The following LONRF3 variants were observed in gnomAD, a reference collection of about 807,000 sequenced individuals.
LONRF3 encodes the protein LON peptidase N-terminal domain and RING finger protein 3.
In LONRF3, 19 loss-of-function variants were observed where a neutral mutation model predicts 51.7. The observed-to-expected ratio is 0.37, with a 90% confidence interval of 0.26 to 0.54. LONRF3 has a LOEUF of 0.54. Ranked by LOEUF, LONRF3 falls within the 20% of genes least tolerant of loss-of-function variation. The pLI is 0.86. For missense variants in LONRF3, 521 were observed against 623.9 expected (o/e 0.84, Z 1.76); for synonymous variants, 265 against 257.8 (o/e 1.03, Z -0.27).
At chrX:118,977,720 C>T (rs770509516) in intron 1 of LONRF3, among the ~76,000 whole-genome samples, 3 of 112,318 alleles carry the variant, frequency 2.7e-5, no homozygotes, top group Admixed American at 9.4e-5. Flanking sequence ...TCTAGTAATT[C>T]AGAGTTTTTG....
At position 118,989,674 on chromosome X, in the gene LONRF3, T is replaced by G. The variant is rs1399247858; in HGVS notation, c.1324+2T>G. 1 of 1,205,601 alleles carries G rather than the reference T, an allele frequency of 8.3e-7. No individual in the cohort carries two copies. The highest frequency in any genetic ancestry group is 1.1e-6 in the Non-Finnish European group (1 of 892,802). ...TGCCTAATAAAGCCTCCAAGCAAGG[T>G]ACTGGCTCTACCCAGAGAGAAGGTA... On this transcript the variant is annotated splice_donor_variant, in intron 4 of 10. Coordinates refer to ENST00000371628, the MANE Select transcript of LONRF3 (RefSeq NM_001031855.3). LOFTEE classifies it high-confidence loss of function.
At chrX:118,991,169 TG>T (rs1210108363) in intron 5 of LONRF3, among the ~76,000 whole-genome samples, 1 of 111,909 alleles carries the variant, frequency 8.9e-6, no homozygotes, top group Non-Finnish European at 1.9e-5. Flanking sequence ...GTCTTTTGTT[TG>T]GCCCTCATGG....
At chrX:118,989,766 G>A in intron 4 of LONRF3, 94 bp downstream of exon 4, 1 of 973,253 alleles carries the variant, frequency 1.0e-6, no homozygotes, top group Non-Finnish European at 1.4e-6. Flanking sequence ...GGGCTCCTTA[G>A]GCTCTGGGTG....
At chrX:118,996,805 C>T (rs1923900923) in intron 5 of LONRF3, among the ~76,000 whole-genome samples, 1 of 109,150 alleles carries the variant, frequency 9.2e-6, no homozygotes, top group Non-Finnish European at 1.9e-5. Context: ...ACCTGTAGTC[C>T]CAGCTACTCG....
chrX:118,976,289 G>C (rs1922045053), intron 1 of LONRF3: 1 of 114,040 alleles, frequency 8.8e-6, no homozygotes, highest in Non-Finnish European at 1.9e-5. Context: ...TTGTGTAACC[G>C]CTGAGGTAAC....
chrX:118,981,280 T>C (rs1217692437), intron 2 of LONRF3, among the ~76,000 whole-genome samples: 1 of 107,965 alleles, frequency 9.3e-6, no homozygotes, highest in East Asian at 2.9e-4. Context: ...AGGTTAGGAG[T>C]TTGAGACCAG....
chrX:118,979,064 A>AATCTCGGC (rs1330696394), intron 2 of LONRF3, among the ~76,000 whole-genome samples: 1 of 96,060 alleles, frequency 1.0e-5, no homozygotes, highest in East Asian at 3.2e-4. Context: ...GCAGTGGCGC[A>AATCTCGGC]ATCTCGGCTC....
At chrX:119,017,486 A>T (rs1469138641) in intron 10 of LONRF3, 49 bp from the exon 11 acceptor site, 1 of 1,155,701 alleles carries the variant, frequency 8.7e-7, no homozygotes, top group Non-Finnish European at 1.2e-6. Context: ...CTGCAGACTG[A>T]TGTTCTTGGA....
At chrX:118,999,504 T>A (rs1374194824) in intron 5 of LONRF3, among the ~76,000 whole-genome samples, 2 of 112,092 alleles carry the variant, frequency 1.8e-5, no homozygotes, top group Non-Finnish European at 3.8e-5. Flanking sequence ...CAGGTCTTTG[T>A]TGTGCGTATC....
chrX:119,000,815 CTCTCTCTCTCTCTCTCTCTCTCTCA>C (rs1924244392), intron 5 of LONRF3, among the ~76,000 whole-genome samples: 1 of 88,287 alleles, frequency 1.1e-5, no homozygotes, highest in Non-Finnish European at 2.2e-5. Flanking sequence ...CTCTCTCTCT[CTCTCTCTCTCTCTCTCTCTCTCTCA>C]CTGTCACTCT....
chrX:119,007,145 T>C (rs1015587098), intron 6 of LONRF3, among the ~76,000 whole-genome samples: 2 of 112,717 alleles, frequency 1.8e-5, no homozygotes, highest in Non-Finnish European at 3.7e-5. Flanking sequence ...AACGAAAGTA[T>C]TAAATAGATG....
chrX:119,012,600 C>CAG (rs371529751), intron 8 of LONRF3, among the ~76,000 whole-genome samples: 8 of 110,508 alleles, frequency 7.2e-5, no homozygotes, highest in African/African-American at 2.6e-4. Flanking sequence ...AGAAGGGCAA[C>CAG]AGAGAGAGAG....
intron 8 of LONRF3, among the ~76,000 whole-genome samples, chrX:119,012,379 G>T (rs1460492748): frequency 9.1e-6 from 1 of 110,268 alleles, no homozygotes; most frequent in Non-Finnish European, 1.9e-5. Flanking sequence ...TTGGAAGATT[G>T]GTGAGTTAAT....
intron 6 of LONRF3, among the ~76,000 whole-genome samples, chrX:119,006,758 T>A (rs1474830037): frequency 9.0e-6 from 1 of 111,380 alleles, no homozygotes; most frequent in Non-Finnish European, 1.9e-5. Context: ...CTGGCTAATT[T>A]TTTGTATTTT....
At chrX:119,008,306 C>T (rs895046777) in intron 6 of LONRF3, among the ~76,000 whole-genome samples, 1 of 112,252 alleles carries the variant, frequency 8.9e-6, no homozygotes, top group Non-Finnish European at 1.9e-5. Context: ...TATACTCAGG[C>T]GCTCCCCCTG....
intron 9 of LONRF3, 42 bp downstream of exon 9, chrX:119,013,243 C>A: frequency 8.8e-7 from 1 of 1,138,420 alleles, no homozygotes; most frequent in South Asian, 1.9e-5. Flanking sequence ...CCAGGCTATC[C>A]TTGTAACTTG....
chrX:118,982,765 G>T, intron 2 of LONRF3, 56 bp from the exon 3 acceptor site: 2 of 1,194,196 alleles, frequency 1.7e-6, no homozygotes, highest in East Asian at 6.0e-5. Context: ...TATTGTTAGA[G>T]CAGTAGTGTT....
chrX:118,982,531 G>A (rs1427209101), intron 2 of LONRF3, among the ~76,000 whole-genome samples: 1 of 111,861 alleles, frequency 8.9e-6, no homozygotes, highest in East Asian at 2.8e-4. Context: ...AGACAAGGTA[G>A]TATGGCAGAG....
chrX:118,979,062 G>A (rs1484536729), intron 2 of LONRF3, among the ~76,000 whole-genome samples: 7 of 95,484 alleles, frequency 7.3e-5, no homozygotes, highest in Non-Finnish European at 1.2e-4. Flanking sequence ...GTGCAGTGGC[G>A]CAATCTCGGC....
Sources: allele counts gnomAD v4.1 joint callset (sites outside exome capture counted in the v4.1 genomes callset), GRCh38; gene constraint gnomAD v4.1.1; transcripts MANE v1.5; gene names NCBI Gene and HGNC (gene_info 2026-07-23, HGNC 2026-07-21).